The following CMIP variants were observed in gnomAD, a reference collection of about 807,000 sequenced individuals.
CMIP encodes C-Maf-inducing protein.
CMIP carries 13 observed loss-of-function variants against 97.3 expected under a neutral mutation model. The observed-to-expected ratio is 0.13, with a 90% CI of 0.09 to 0.21. The LOEUF is 0.21. Among genes scored for constraint, CMIP ranks in the 10% least tolerant of loss-of-function variants. The pLI, the probability that CMIP is intolerant of heterozygous loss-of-function variation, is 1.00. For missense variants in CMIP, 847 were observed against 1,024.9 expected (o/e 0.83, Z 2.37); for synonymous variants, 538 against 436.3 (o/e 1.23, Z -2.91).
chr16:81,534,470 C>T (rs561613980), intron 1 of CMIP, among the ~76,000 whole-genome samples: 35 of 151,994 alleles, frequency 2.3e-4, no homozygotes, highest in Admixed American at 3.9e-4. Flanking sequence ...TATTACTCTC[C>T]AACTTTTTTT....
intron 2 of CMIP, among the ~76,000 whole-genome samples, chr16:81,609,865 G>C (rs2091803064): frequency 6.6e-6 from 1 of 152,214 alleles, no homozygotes; most frequent in South Asian, 2.1e-4. Context: ...GCGATGGCCA[G>C]ATCACCCAGG....
intron 7 of CMIP, among the ~76,000 whole-genome samples, chr16:81,669,887 G>C (rs374623474): frequency 1.3e-5 from 2 of 152,298 alleles, no homozygotes; most frequent in African/African-American, 4.8e-5. Flanking sequence ...AGTGCCTTTT[G>C]AGGGTGGCTT....
At chr16:81,679,685 C>G (rs373848162) in intron 10 of CMIP, among the ~76,000 whole-genome samples, 1 of 151,940 alleles carries the variant, frequency 6.6e-6, no homozygotes, top group Admixed American at 6.6e-5. Flanking sequence ...TGAGCTGGCT[C>G]CTTCTGTGCC....
intron 1 of CMIP, among the ~76,000 whole-genome samples, chr16:81,507,636 A>C (rs1449985007): frequency 6.6e-5 from 10 of 152,230 alleles, no homozygotes; most frequent in Non-Finnish European, 1.2e-4. Context: ...GAAAAGGTGA[A>C]ACCATTTAAT....
chr16:81,557,549 A>G (rs1472365463), intron 1 of CMIP, among the ~76,000 whole-genome samples: 1 of 152,234 alleles, frequency 6.6e-6, no homozygotes, highest in Non-Finnish European at 1.5e-5. Context: ...AAATCCAAAA[A>G]TAAAATAAAA....
At chr16:81,615,580 G>C (rs899990099) in intron 2 of CMIP, among the ~76,000 whole-genome samples, 2 of 137,556 alleles carry the variant, frequency 1.5e-5, no homozygotes, top group African/African-American at 5.6e-5. Flanking sequence ...TGTGTATAGT[G>C]TGTGTGTCTG....
chr16:81,665,943 A>T (rs955622201), intron 7 of CMIP: 1 of 152,216 alleles, frequency 6.6e-6, no homozygotes, highest in African/African-American at 2.4e-5. Flanking sequence ...ACCCTAAGCG[A>T]TTGCAAACTG....
chr16:81,678,620 C>T lies in CMIP; in HGVS notation c.1380C>T (p.Leu460=). 1 of 1,558,818 alleles carries T rather than the reference C, an allele frequency of 6.4e-7. No homozygotes were observed. Among genetic ancestry groups the T allele is most frequent in the Non-Finnish European group, 8.8e-7 (1 of 1,139,528 alleles). The part of the protein sequence containing the change: ...DRTLGCYVEI[L]KLLSDYDDWR... The stretch of plus-strand genomic sequence containing the variant: ...CGCTCGGCTGCTACGTGGAAATCCT[C>T]AAGCTGCTGTGAGTGCCCCCCCCGC... The change falls in exon 10 of 21, where the codon CTC becomes CTT. Residue 460 remains leucine, a synonymous_variant. Coordinates refer to ENST00000537098, the MANE Select transcript of CMIP (RefSeq NM_198390.3).
At chr16:81,545,347 G>T (rs1444247994) in intron 1 of CMIP, among the ~76,000 whole-genome samples, 1 of 152,196 alleles carries the variant, frequency 6.6e-6, no homozygotes, top group Non-Finnish European at 1.5e-5. Flanking sequence ...CCTGGAAGAG[G>T]GTGGGTGCTT....
In CMIP at chr16:81,698,580, C is replaced by A. The variant is rs573285501; in HGVS notation, c.1639-1105C>A. On this transcript the variant is annotated intron_variant, in intron 14 of 20. Transcript: ENST00000537098. ...ACTGTCAGCAGACTCCCGAGGGGAG[C>A]AGGGGAGGGGGCTTTTTTGTTTTTG... 2.0e-5 allele frequency among the ~76,000 whole-genome samples: 3 copies of A among 152,300 alleles called. No homozygotes were observed. The South Asian group carries it at 6.2e-4, about 32-fold the overall frequency.
chr16:81,574,807 C>T (rs1299792522), intron 1 of CMIP, among the ~76,000 whole-genome samples: 1 of 152,188 alleles, frequency 6.6e-6, no homozygotes, highest in African/African-American at 2.4e-5. Context: ...GAAGATGCAG[C>T]TCACACTTCA....
chr16:81,522,700 C>T (rs907825722), intron 1 of CMIP, among the ~76,000 whole-genome samples: 4 of 152,058 alleles, frequency 2.6e-5, no homozygotes, highest in Non-Finnish European at 4.4e-5. Flanking sequence ...TCTACCGCCC[C>T]GACTAGAGCA....
intron 19 of CMIP, 92 bp downstream of exon 19, chr16:81,705,696 C>T (rs1567677391): frequency 1.3e-6 from 1 of 765,926 alleles, no homozygotes; most frequent in Non-Finnish European, 2.1e-6. Context: ...GACTTTGCAC[C>T]ATGCACAGAT....
intron 3 of CMIP, chr16:81,630,299 G>C (rs763693947): frequency 1.3e-5 from 2 of 152,402 alleles, no homozygotes; most frequent in Middle Eastern, 6.8e-3. Context: ...GATGCTAGGA[G>C]ACGGGGCTGC....
Position 81,453,235 on chromosome 16 carries a change from G to C in CMIP, c.300+7694G>C, listed in dbSNP as rs1555518182. Among the ~76,000 whole-genome samples, 1 of 152,194 alleles carries C rather than the reference G, an allele frequency of 6.6e-6. No individual in the cohort carries two copies. Among genetic ancestry groups the C allele is most frequent in the Non-Finnish European group, 1.5e-5 (1 of 68,044 alleles). On this transcript the variant is annotated intron_variant, in intron 1 of 20. Transcript: ENST00000537098. The surrounding 1 kb of genome is among the most constrained non-coding windows in gnomAD (Gnocchi z 4.0). ...TTCAAGCTACTGTCAGAAATGGTAG[G>C]GTGGACGGAGCGACTAAACTGATTG...
At chr16:81,594,346 A>G (rs902309002) in intron 1 of CMIP, among the ~76,000 whole-genome samples, 1 of 151,252 alleles carries the variant, frequency 6.6e-6, no homozygotes, top group Non-Finnish European at 1.5e-5. Flanking sequence ...CTTGAACTTA[A>G]GAGCTCAGAG....
At chr16:81,482,564 TG>T (rs2089242559) in intron 1 of CMIP, among the ~76,000 whole-genome samples, 1 of 152,158 alleles carries the variant, frequency 6.6e-6, no homozygotes, top group Admixed American at 6.5e-5. Flanking sequence ...TGTTCCCACT[TG>T]AGCCTGGTGG....
Position 81,607,728 on chromosome 16 carries a change from C to T in CMIP, c.426+36C>T, listed in dbSNP as rs1439882925. 3.1e-6 allele frequency: 5 copies of T among 1,605,092 alleles called. No individual in the cohort carries two copies. The South Asian group carries it at 4.4e-5, about 14-fold the overall frequency. On this transcript the variant is annotated intron_variant, in intron 2 of 20. Coordinates refer to ENST00000537098, the MANE Select transcript of CMIP (RefSeq NM_198390.3). ...TAAACATGAACAAGCAGTTTCTTCT[C>T]CCTCATCTTCATGCACTTGTGCCCC...
intron 1 of CMIP, among the ~76,000 whole-genome samples, chr16:81,502,468 T>G (rs995176140): frequency 6.6e-6 from 1 of 152,180 alleles, no homozygotes; most frequent in Non-Finnish European, 1.5e-5. Flanking sequence ...CTGGCTCGCC[T>G]GGGGGTGCCT....
Sources: allele counts gnomAD v4.1 joint callset (sites outside exome capture counted in the v4.1 genomes callset), GRCh38; gene constraint gnomAD v4.1.1; non-coding constraint Gnocchi (gnomAD v3.1); transcripts MANE v1.5; gene names NCBI Gene and HGNC (gene_info 2026-07-23, HGNC 2026-07-21).